Variants in MYH14 observed in about 807,000 individuals in gnomAD.
MYH14 encodes myosin-14.
A neutral mutation model predicts 255.5 loss-of-function variants in MYH14; 123 were observed. That is an observed-to-expected ratio of 0.48 (90% CI 0.42 to 0.56). The LOEUF is 0.56. Among genes scored for constraint, MYH14 ranks in the 20% least tolerant of loss-of-function variants. The pLI, the probability that MYH14 is intolerant of heterozygous loss-of-function variation, is 0.00. For synonymous variants in MYH14, 1,095 were observed against 1,161.2 expected, an observed-to-expected ratio of 0.94 and a Z score of 1.16; for missense variants, 2,423 against 2,802.3, an observed-to-expected ratio of 0.86 and a Z score of 3.06.
At chr19:50,306,782 G>A (rs1376686433) in intron 40 of MYH14, among the ~76,000 whole-genome samples, 2 of 152,114 alleles carry the variant, frequency 1.3e-5, no homozygotes, top group Non-Finnish European at 2.9e-5. Flanking sequence ...AAACTGAATA[G>A]GACCAAACAT....
Position 50,225,683 on chromosome 19 carries a change from T to A in MYH14, c.810+6T>A. 1 of 1,610,604 alleles carries A rather than the reference T, an allele frequency of 6.2e-7. No homozygotes were observed. The highest frequency in any genetic ancestry group is 1.1e-5 in the South Asian group (1 of 90,942). On this transcript the variant is annotated splice_donor_region_variant and intron_variant, in intron 7 of 42. Transcript: ENST00000642316. ...ATGACAACTCCTCCCGATTCGTGAG[T>A]GCCAGGGGTGGGCAGTGCTGGCTGT... is the stretch of plus-strand genomic sequence containing the variant.
At position 50,252,570 on chromosome 19, in the gene MYH14, G is replaced by T. The variant is rs994461728; in HGVS notation, c.1831-69G>T. 2.4e-5 allele frequency: 26 copies of T among 1,088,700 alleles called. 1 individual carries two copies. The highest frequency in any genetic ancestry group is 1.2e-4 in the Admixed American group (6 of 50,372). 67.4% of individuals were successfully genotyped at this position (1,088,700 alleles called of 1,614,324 possible). ...CTGGGAGTCTCAGAGCTTCTGGAAGGCTCCTTAGGAAATCCAGAGAATGTC... is the reference window on the plus strand; with the variant it reads ...CTGGGAGTCTCAGAGCTTCTGGAAGTCTCCTTAGGAAATCCAGAGAATGTC... On this transcript the variant is annotated intron_variant, in intron 15 of 42. Coordinates refer to ENST00000642316, the MANE Select transcript of MYH14 (RefSeq NM_001145809.2). The surrounding 1 kb of genome is among the most constrained non-coding windows in gnomAD (Gnocchi z 4.2).
At chr19:50,215,157 C>T (rs545318701) in intron 2 of MYH14, among the ~76,000 whole-genome samples, 44 of 152,230 alleles carry the variant, frequency 2.9e-4, no homozygotes, top group African/African-American at 1.0e-3. Flanking sequence ...TTGACCAGCT[C>T]AGGTTTCCGT....
In MYH14 at chr19:50,281,739, G is replaced by T. The variant is rs1283055483; in HGVS notation, c.4436G>T (p.Gly1479Val). ...GAGACCGTGGATCGGCTGGAGCGGG[G>T]CCGCCGCCGGCTGCAGCAGGAGCTG... is the stretch of plus-strand genomic sequence containing the variant. Reference protein sequence around the residue: ...KTETVDRLERGRRRLQQELDD... With the variant: ...KTETVDRLERVRRRLQQELDD... The change falls in exon 33 of 43, where the codon GGC (glycine) becomes GTC (valine). Residue 1479 changes from glycine to valine, a missense_variant. Transcript: ENST00000642316. 1.9e-6 allele frequency: 3 copies of T among 1,611,562 alleles called. No individual in the cohort carries two copies. The highest frequency in any genetic ancestry group is 2.5e-6 in the Non-Finnish European group (3 of 1,179,566).
In MYH14 at chr19:50,309,003, A is replaced by G. The variant is rs1293873702; in HGVS notation, c.5788-2A>G. The G allele has an allele frequency of 6.2e-7, 1 of 1,609,460 alleles. No homozygotes were observed. Among genetic ancestry groups the G allele is most frequent in the Non-Finnish European group, 8.5e-7 (1 of 1,177,534 alleles). ...TAACCCAGTCCCCCTGCTTCCATCA[A>G]GCTGGAGAAGGGAAACCTTCGAGTC... On this transcript the variant is annotated splice_acceptor_variant, in intron 41 of 42. Coordinates refer to ENST00000642316, the MANE Select transcript of MYH14 (RefSeq NM_001145809.2). LOFTEE classifies it high-confidence loss of function.
chr19:50,274,399 A>G (rs999677695), intron 27 of MYH14, among the ~76,000 whole-genome samples: 5 of 152,130 alleles, frequency 3.3e-5, no homozygotes, highest in African/African-American at 4.8e-5. Context: ...GGTTCAAGCA[A>G]TTCTCCTGCC....
intron 36 of MYH14, among the ~76,000 whole-genome samples, chr19:50,292,041 A>C (rs1168038573): frequency 6.6e-6 from 1 of 152,150 alleles, no homozygotes; most frequent in Non-Finnish European, 1.5e-5. Context: ...TCTAGTTCTC[A>C]GCCAGGTCAA....
At chr19:50,308,982 C>G (rs1344963403) in intron 41 of MYH14, 23 bp from the exon 42 acceptor site, 9 of 1,591,194 alleles carry the variant, frequency 5.7e-6, no homozygotes, top group African/African-American at 1.3e-5. Flanking sequence ...GAGATATAAC[C>G]CAGTCCCCCT....
At position 50,240,306 on chromosome 19, in the gene MYH14, C is replaced by T. The variant is rs1028914713; in HGVS notation, c.1115-3936C>T. On this transcript the variant is annotated intron_variant, in intron 10 of 42. Coordinates refer to ENST00000642316, the MANE Select transcript of MYH14 (RefSeq NM_001145809.2). ...TTCATAAACCTATGCTACGCCGGCA[C>T]GGTGGCTTATGCCTGTAATCCCAGC... Among the ~76,000 whole-genome samples the T allele has an allele frequency of 4.6e-5, 7 of 152,292 alleles. No homozygotes were observed. The South Asian group carries it at 6.2e-4, about 14-fold the overall frequency.
chr19:50,302,428 C>A (rs112791428), intron 40 of MYH14, among the ~76,000 whole-genome samples: 12,726 of 149,956 alleles, frequency 0.085, 763 homozygotes, highest in Admixed American at 0.18. Flanking sequence ...CCAAAAAACA[C>A]CAAAATTAGC....
intron 10 of MYH14, among the ~76,000 whole-genome samples, chr19:50,233,672 C>T (rs1253900473): frequency 2.0e-5 from 3 of 152,056 alleles, no homozygotes; most frequent in Non-Finnish European, 4.4e-5. Context: ...GGCTGCAGGT[C>T]TCTCCCTAGG....
chr19:50,272,054 A>C (rs946351767), intron 26 of MYH14, 82 bp downstream of exon 26: 15 of 1,536,750 alleles, frequency 9.8e-6, no homozygotes, highest in Non-Finnish European at 1.2e-5. Flanking sequence ...ACAGGGCCTC[A>C]GTGGCTGTGT....
chr19:50,224,411 A>G lies in MYH14; in HGVS notation c.717+234A>G, dbSNP rs1017689. 0.51 allele frequency among the ~76,000 whole-genome samples: 76,847 copies of G among 152,050 alleles called. 21,985 individuals are homozygous for G. The highest frequency in any genetic ancestry group is 0.64 in the Non-Finnish European group (43,317 of 67,958). ...CAAAACTGCCACTTACTGCTGATCT[A>G]CTAAATGTGTCCAGCCAGGGCCCAC... On this transcript the variant is annotated intron_variant, in intron 6 of 42. Coordinates refer to ENST00000642316, the MANE Select transcript of MYH14 (RefSeq NM_001145809.2).
intron 18 of MYH14, 124 bp from the exon 19 acceptor site, chr19:50,259,020 C>T (rs1003895053): frequency 4.5e-6 from 6 of 1,327,148 alleles, no homozygotes; most frequent in Middle Eastern, 1.9e-4. Context: ...GGCCTAGAAC[C>T]GTTCCTAGGC....
chr19:50,257,225 C>G, intron 17 of MYH14, 74 bp from the exon 18 acceptor site: 1 of 1,277,828 alleles, frequency 7.8e-7, no homozygotes, highest in South Asian at 1.4e-5. Flanking sequence ...ATGATAAGAC[C>G]CTTGACCTTT....
Position 50,250,476 on chromosome 19 carries a change from G to A in MYH14, c.1657-39G>A. On this transcript the variant is annotated intron_variant, in intron 14 of 42. Coordinates refer to ENST00000642316, the MANE Select transcript of MYH14 (RefSeq NM_001145809.2). This position sits in a 1 kb window ranked among gnomAD's most constrained non-coding sequence, Gnocchi z 5.4. ...GCAGCCACCTGAGTGTCCAATATGT[G>A]GGGATCTGACTTACTCTCCCCCTGC... 1 of 1,593,036 alleles carries A rather than the reference G, an allele frequency of 6.3e-7. No homozygotes were observed. Among genetic ancestry groups the A allele is most frequent in the Non-Finnish European group, 8.6e-7 (1 of 1,167,524 alleles).
In MYH14 at chr19:50,250,649, G is replaced by T; in HGVS notation, c.1791G>T (p.Arg597=). ...AGTTCCAGCGGCCGAGGCACCTGCGGGATCAGGCCGACTTCAGTGTTCTCC... is the reference window on the plus strand; with the variant it reads ...AGTTCCAGCGGCCGAGGCACCTGCGTGATCAGGCCGACTTCAGTGTTCTCC... The part of the protein sequence containing the change: ...HPKFQRPRHL[R]DQADFSVLHY... Residue 597 remains arginine (R), a synonymous_variant, in exon 15 of 43, where the codon CGG becomes CGT. Transcript: ENST00000642316. This position sits in a 1 kb window ranked among gnomAD's most constrained non-coding sequence, Gnocchi z 5.4. 1.9e-6 allele frequency: 3 copies of T among 1,613,940 alleles called. No individual in the cohort carries two copies. The highest frequency in any genetic ancestry group is 2.5e-6 in the Non-Finnish European group (3 of 1,179,836).
chr19:50,213,225 A>G (rs2032292283), intron 2 of MYH14, among the ~76,000 whole-genome samples: 1 of 152,150 alleles, frequency 6.6e-6, no homozygotes, highest in Non-Finnish European at 1.5e-5. Context: ...CTGGGATTAC[A>G]GGGGTGAGCC....
chr19:50,209,575 G>A (rs2032033000), intron 1 of MYH14, among the ~76,000 whole-genome samples: 1 of 149,988 alleles, frequency 6.7e-6, no homozygotes, highest in Admixed American at 6.7e-5. Flanking sequence ...ACCAGGTCAG[G>A]GGATCGAGAC....
Sources: allele counts gnomAD v4.1 joint callset (sites outside exome capture counted in the v4.1 genomes callset), GRCh38; gene constraint gnomAD v4.1.1; non-coding constraint Gnocchi (gnomAD v3.1); transcripts MANE v1.5; gene names NCBI Gene and HGNC (gene_info 2026-07-23, HGNC 2026-07-21).